HDAC9: variants seen among roughly 807,000 people sequenced by gnomAD.
HDAC9 encodes the protein histone deacetylase 9.
Under a neutral mutation model 139.4 loss-of-function variants are expected in HDAC9, and 41 were observed. The ratio of observed to expected loss-of-function variants is 0.29; its 90% CI spans 0.23 to 0.38. The LOEUF (loss-of-function observed/expected upper bound fraction) is 0.38, where lower values mean the gene tolerates loss of function less well. HDAC9 is among the 10% of genes least tolerant of loss of function. HDAC9 has a pLI of 1.00. For missense variants in HDAC9, 1,147 were observed against 1,297.0 expected (o/e 0.88, Z 1.78); for synonymous variants, 517 against 476.2 (o/e 1.09, Z -1.12).
intron 2 of HDAC9, among the ~76,000 whole-genome samples, chr7:18,519,966 A>C (rs1460071141): frequency 2.0e-5 from 3 of 152,158 alleles, no homozygotes; most frequent in Admixed American, 6.6e-5. Context: ...AAAAATGTAG[A>C]ATGGTATACA....
At chr7:18,619,011 G>A (rs935963578) in intron 6 of HDAC9, among the ~76,000 whole-genome samples, 1 of 151,758 alleles carries the variant, frequency 6.6e-6, no homozygotes, top group African/African-American at 2.4e-5. Flanking sequence ...AATCTAGTTC[G>A]ATTTATTGAA....
At chr7:18,680,181 C>T (rs1781796500) in intron 12 of HDAC9, among the ~76,000 whole-genome samples, 1 of 151,968 alleles carries the variant, frequency 6.6e-6, no homozygotes, top group South Asian at 2.1e-4. Flanking sequence ...ACTGCAGTGG[C>T]AAACTTAGAG....
intron 2 of HDAC9, among the ~76,000 whole-genome samples, chr7:18,190,418 T>C (rs1439749705): frequency 3.3e-5 from 5 of 152,242 alleles, no homozygotes; most frequent in Non-Finnish European, 7.3e-5. Flanking sequence ...GACACACATG[T>C]ACATGCATAG....
intron 12 of HDAC9, among the ~76,000 whole-genome samples, chr7:18,726,198 C>T (rs995390689): frequency 6.6e-6 from 1 of 152,116 alleles, no homozygotes; most frequent in Non-Finnish European, 1.5e-5. Context: ...CCACATAATA[C>T]GCAATGAGTA....
chr7:18,361,126 C>T (rs1783743891), intron 1 of HDAC9, among the ~76,000 whole-genome samples: 1 of 151,936 alleles, frequency 6.6e-6, no homozygotes, highest in Non-Finnish European at 1.5e-5. Flanking sequence ...GGTTCTTTGT[C>T]TACATACCAT....
At chr7:18,889,441 T>TAA (rs34392281) in intron 22 of HDAC9, among the ~76,000 whole-genome samples, 2 of 151,410 alleles carry the variant, frequency 1.3e-5, no homozygotes, top group African/African-American at 2.4e-5. Flanking sequence ...TGGAGTGATT[T>TAA]AAAAAAAAAT....
chr7:18,141,646 G>T (rs1037166629), intron 1 of HDAC9, among the ~76,000 whole-genome samples: 2 of 152,062 alleles, frequency 1.3e-5, no homozygotes, highest in African/African-American at 4.8e-5. Context: ...TGCAATGTCC[G>T]TGGGGCTTTC....
chr7:18,735,903 A>G (rs938252549), intron 13 of HDAC9, among the ~76,000 whole-genome samples: 4 of 152,092 alleles, frequency 2.6e-5, no homozygotes, highest in Non-Finnish European at 5.9e-5. Flanking sequence ...ATCCTCTCCT[A>G]TTTACTTGAG....
At chr7:18,486,555 G>A (rs80238129) in intron 1 of HDAC9, among the ~76,000 whole-genome samples, 2,053 of 152,162 alleles carry the variant, frequency 0.013, 44 homozygotes, top group African/African-American at 0.046. Context: ...CAGTATGGCC[G>A]TTAGACAGAA....
intron 23 of HDAC9, among the ~76,000 whole-genome samples, chr7:18,950,624 A>C (rs1782725982): frequency 6.6e-6 from 1 of 152,060 alleles, no homozygotes; most frequent in Non-Finnish European, 1.5e-5. Flanking sequence ...AGAGAGTGGG[A>C]TAAAAATGAC....
chr7:18,343,590 A>G (rs1247147814), intron 1 of HDAC9, among the ~76,000 whole-genome samples: 2 of 152,020 alleles, frequency 1.3e-5, no homozygotes, highest in African/African-American at 2.4e-5. Context: ...AAATTTAAGC[A>G]TATTTTTATA....
At chr7:18,276,121 G>A (rs1400389059) in intron 2 of HDAC9, among the ~76,000 whole-genome samples, 3 of 152,010 alleles carry the variant, frequency 2.0e-5, no homozygotes, top group Admixed American at 6.6e-5. Flanking sequence ...ATGGTTCAGT[G>A]GTAGATACTA....
chr7:18,659,322 AATT>A, intron 11 of HDAC9, among the ~76,000 whole-genome samples: 1 of 152,238 alleles, frequency 6.6e-6, no homozygotes, highest in South Asian at 2.1e-4. Context: ...GACAGTCTTT[AATT>A]ATTATTTAGT....
intron 21 of HDAC9, among the ~76,000 whole-genome samples, chr7:18,843,638 A>G (rs1796725530): frequency 6.6e-6 from 1 of 151,530 alleles, no homozygotes; most frequent in African/African-American, 2.4e-5. Context: ...ACCAAATTTC[A>G]ATGTCTTTGG....
chr7:18,287,066 G>A (rs1414274717), upstream of HDAC9, among the ~76,000 whole-genome samples: 1 of 152,172 alleles, frequency 6.6e-6, no homozygotes, highest in Non-Finnish European at 1.5e-5. Flanking sequence ...TAGTGCTTCA[G>A]ATGAAGCAGA....
chr7:18,781,287 C>G (rs1288154604), intron 16 of HDAC9, among the ~76,000 whole-genome samples: 1 of 152,034 alleles, frequency 6.6e-6, no homozygotes, highest in East Asian at 1.9e-4. Context: ...ACAATTCAGT[C>G]CATAACGATA....
At chr7:18,824,044 G>GGAAGAGGAA (rs71309048) in intron 17 of HDAC9, among the ~76,000 whole-genome samples, 1,568 of 67,010 alleles carry the variant, frequency 0.023, 29 homozygotes, top group African/African-American at 0.034. Flanking sequence ...AAGAGGAAGA[G>GGAAGAGGAA]GAAGAAGAAG....
intron 12 of HDAC9, among the ~76,000 whole-genome samples, chr7:18,691,340 G>A (rs752686800): frequency 1.3e-5 from 2 of 152,006 alleles, no homozygotes; most frequent in Non-Finnish European, 2.9e-5. Context: ...GTTTAAATAT[G>A]TTTTACCAAA....
chr7:18,571,627 T>TA (rs1824322074), intron 2 of HDAC9, among the ~76,000 whole-genome samples: 2 of 151,948 alleles, frequency 1.3e-5, no homozygotes, highest in African/African-American at 4.8e-5. Context: ...TTTTTTATTT[T>TA]TTATTTTTTT....
Sources: gnomAD v4.1 joint callset for allele counts (sites outside exome capture counted in the v4.1 genomes callset) on GRCh38, gnomAD v4.1.1 for gene constraint, MANE v1.5 for transcripts, NCBI Gene and HGNC (gene_info 2026-07-23, HGNC 2026-07-21) for gene names.